The following BCL2 variants were observed in gnomAD, a reference collection of about 807,000 sequenced individuals.
The protein encoded by BCL2 is BCL2 apoptosis regulator.
Under a neutral mutation model 14.2 loss-of-function variants are expected in BCL2, and 1 was observed. The observed-to-expected ratio is 0.07, with a 90% CI of 0.02 to 0.33. The LOEUF is 0.33. Ranked by LOEUF, BCL2 falls within the 10% of genes least tolerant of loss-of-function variation. BCL2 has a pLI of 0.99. For synonymous variants in BCL2, 151 were observed against 137.2 expected, an observed-to-expected ratio of 1.10 and a Z score of -0.70; for missense variants, 247 against 305.9, an observed-to-expected ratio of 0.81 and a Z score of 1.44.
At chr18:63,192,231 A>G (rs1299837177) in intron 2 of BCL2, among the ~76,000 whole-genome samples, 1 of 152,212 alleles carries the variant, frequency 6.6e-6, no homozygotes, top group Non-Finnish European at 1.5e-5. Context: ...GGCAAGAAGG[A>G]GCCAGCCCTG....
intron 2 of BCL2, among the ~76,000 whole-genome samples, chr18:63,166,709 A>T (rs1440673861): frequency 5.3e-5 from 8 of 152,230 alleles, no homozygotes; most frequent in African/African-American, 1.9e-4. Flanking sequence ...TTGGAGTATG[A>T]CAGCTTACCG....
At chr18:63,166,068 GCCTGGC>G (rs1915036746) in intron 2 of BCL2, among the ~76,000 whole-genome samples, 1 of 152,170 alleles carries the variant, frequency 6.6e-6, no homozygotes, top group Non-Finnish European at 1.5e-5. Context: ...AGGACACAAA[GCCTGGC>G]CCTCAGTATG....
intron 2 of BCL2, among the ~76,000 whole-genome samples, chr18:63,227,501 C>T (rs982271362): frequency 9.2e-5 from 14 of 152,156 alleles, no homozygotes; most frequent in East Asian, 1.9e-4. Context: ...TTAGCCACCA[C>T]GCCCAGCTCT....
At chr18:63,301,773 G>GT (rs1167965894) in intron 2 of BCL2, among the ~76,000 whole-genome samples, 34 of 152,122 alleles carry the variant, frequency 2.2e-4, no homozygotes, top group African/African-American at 8.0e-4. Context: ...TTTTCACACG[G>GT]GAAACCAGTG....
At chr18:63,228,917 C>A (rs886883515) in intron 2 of BCL2, among the ~76,000 whole-genome samples, 1 of 152,156 alleles carries the variant, frequency 6.6e-6, no homozygotes. Flanking sequence ...GCCATGTTGG[C>A]GAGGATGGTC....
intron 2 of BCL2, among the ~76,000 whole-genome samples, chr18:63,254,483 G>A (rs1226125663): frequency 6.7e-6 from 1 of 148,300 alleles, no homozygotes; most frequent in Non-Finnish European, 1.5e-5. Context: ...TTGAACCAGG[G>A]AGGCAGAGGT....
chr18:63,150,397 T>A (rs568113648), intron 2 of BCL2, among the ~76,000 whole-genome samples: 2 of 152,382 alleles, frequency 1.3e-5, no homozygotes, highest in Admixed American at 1.3e-4. Context: ...CCAGGAGGGC[T>A]GAAAGAAAAG....
At chr18:63,227,168 T>C (rs1910572591) in intron 2 of BCL2, among the ~76,000 whole-genome samples, 1 of 152,170 alleles carries the variant, frequency 6.6e-6, no homozygotes, top group Non-Finnish European at 1.5e-5. Context: ...TGAAATAATA[T>C]ACTCAAATGC....
intron 2 of BCL2, chr18:63,314,128 T>C (rs899126081): frequency 2.6e-5 from 4 of 152,224 alleles, no homozygotes; most frequent in Admixed American, 2.6e-4. Context: ...ACATAAATTA[T>C]TGAAAGGGGT....
At chr18:63,260,338 T>C (rs1911617960) in intron 2 of BCL2, among the ~76,000 whole-genome samples, 1 of 152,214 alleles carries the variant, frequency 6.6e-6, no homozygotes, top group African/African-American at 2.4e-5. Flanking sequence ...ACCAAAAACA[T>C]GGCAATATCT....
intron 2 of BCL2, among the ~76,000 whole-genome samples, chr18:63,136,847 A>G (rs959916090): frequency 6.8e-4 from 103 of 152,382 alleles, no homozygotes; most frequent in African/African-American, 2.5e-3. Flanking sequence ...GGAAATAGAT[A>G]CAGATGCCAC....
At chr18:63,196,848 GT>G (rs778338157) in intron 2 of BCL2, among the ~76,000 whole-genome samples, 7 of 152,178 alleles carry the variant, frequency 4.6e-5, no homozygotes, top group Admixed American at 2.0e-4. Flanking sequence ...ATAGTTATGA[GT>G]TTTTCTCAGC....
At chr18:63,311,518 C>T (rs960409171) in intron 2 of BCL2, among the ~76,000 whole-genome samples, 1 of 152,136 alleles carries the variant, frequency 6.6e-6, no homozygotes, top group Non-Finnish European at 1.5e-5. Context: ...CTTCACTTGA[C>T]ACAGTGGGTT....
chr18:63,168,726 C>T (rs1915106570), intron 2 of BCL2, among the ~76,000 whole-genome samples: 2 of 152,172 alleles, frequency 1.3e-5, no homozygotes, highest in Admixed American at 1.3e-4. Flanking sequence ...TGGCCTCTGT[C>T]GCCTAAATTT....
At chr18:63,183,058 G>C (rs536455751) in intron 2 of BCL2, among the ~76,000 whole-genome samples, 2 of 152,348 alleles carry the variant, frequency 1.3e-5, no homozygotes, top group East Asian at 3.9e-4. Flanking sequence ...CAAATGAGCA[G>C]ATGCATGTCA....
intron 2 of BCL2, among the ~76,000 whole-genome samples, chr18:63,179,195 T>C (rs1474933392): frequency 6.6e-6 from 1 of 152,130 alleles, no homozygotes; most frequent in Non-Finnish European, 1.5e-5. Context: ...TGGGAATGAA[T>C]GGTCCACCCA....
Position 63,285,166 on chromosome 18 carries a change from T to C in BCL2, c.585+32916A>G, listed in dbSNP as rs4987731. ...AGCAGCTGGAGAGAAGGGGCTGGAA[T>C]AAGGATTCTTTCTAAACGGAAAAAT... On this transcript the variant is annotated intron_variant, in intron 2 of 2. Transcript: ENST00000333681. 5.1e-4 allele frequency among the ~76,000 whole-genome samples: 78 copies of C among 152,276 alleles called. 1 individual carries two copies. In the East Asian group the frequency reaches 0.014, roughly 26 times the overall value.
intron 2 of BCL2, among the ~76,000 whole-genome samples, chr18:63,200,019 G>A (rs1034907937): frequency 6.6e-6 from 1 of 152,082 alleles, no homozygotes; most frequent in African/African-American, 2.4e-5. Flanking sequence ...GGCTCAGCTC[G>A]TAACCTTAGT....
At chr18:63,284,072 G>A (rs539953052) in intron 2 of BCL2, among the ~76,000 whole-genome samples, 13 of 152,288 alleles carry the variant, frequency 8.5e-5, no homozygotes, top group Admixed American at 1.3e-4. Context: ...GTCCCTGAGC[G>A]CGCTGACGAA....
Sources: gnomAD v4.1 joint callset for allele counts (sites outside exome capture counted in the v4.1 genomes callset) on GRCh38, gnomAD v4.1.1 for gene constraint, MANE v1.5 for transcripts, NCBI Gene and HGNC (gene_info 2026-07-23, HGNC 2026-07-21) for gene names.